AGBL4: variants seen among roughly 807,000 people sequenced by gnomAD.
AGBL4 encodes cytosolic carboxypeptidase 6.
In AGBL4, 58 loss-of-function variants were observed where a neutral mutation model predicts 66.4. The observed-to-expected ratio is 0.87, with a 90% CI of 0.71 to 1.09. The LOEUF is 1.09. Among genes scored for constraint, AGBL4 ranks in the 50% least tolerant of loss-of-function variants. The pLI, the probability that AGBL4 is intolerant of heterozygous loss-of-function variation, is 0.00. For missense variants in AGBL4, 579 were observed against 631.0 expected (o/e 0.92, Z 0.88); for synonymous variants, 234 against 222.9 (o/e 1.05, Z -0.44).
intron 2 of AGBL4, among the ~76,000 whole-genome samples, chr1:49,705,275 T>C (rs1466931292): frequency 6.6e-6 from 1 of 152,182 alleles, no homozygotes; most frequent in Non-Finnish European, 1.5e-5. Context: ...CACATTGATT[T>C]TGTATCCTGT....
intron 3 of AGBL4, among the ~76,000 whole-genome samples, chr1:49,670,248 A>C (rs1473931672): frequency 6.6e-6 from 1 of 152,140 alleles, no homozygotes; most frequent in African/African-American, 2.4e-5. Flanking sequence ...CCCCAGCTCC[A>C]CAGTTGAGAA....
rs571600782 is a variant in AGBL4 at position 49,881,699 on chromosome 1, C to G, written c.35-30181G>C. On this transcript the variant is annotated intron_variant, in intron 1 of 13. Transcript: ENST00000371839. Reference sequence around the variant, plus strand: ...ATAAATGTCTTCTTTTGAGAAGTGTCTGTTCATGTCCCTCGCCCACTTTTT... The same window carrying G: ...ATAAATGTCTTCTTTTGAGAAGTGTGTGTTCATGTCCCTCGCCCACTTTTT... Among the ~76,000 whole-genome samples the G allele has an allele frequency of 3.9e-3, 592 of 150,878 alleles. 7 individuals carry two copies. The highest frequency in any genetic ancestry group is 0.014 in the African/African-American group (554 of 40,836).
chr1:48,943,481 T>A (rs1396999955), intron 5 of AGBL4, among the ~76,000 whole-genome samples: 1 of 152,206 alleles, frequency 6.6e-6, no homozygotes, highest in Non-Finnish European at 1.5e-5. Context: ...AATGAAGCAA[T>A]TTGACTCTTA....
intron 5 of AGBL4, among the ~76,000 whole-genome samples, chr1:48,966,720 A>T (rs1395444772): frequency 6.6e-6 from 1 of 151,918 alleles, no homozygotes; most frequent in Non-Finnish European, 1.5e-5. Context: ...CCTGTAAGAG[A>T]CTTTTTTTTT....
Position 48,587,100 on chromosome 1 carries a change from G to A in AGBL4, c.1171C>T (p.Leu391=), listed in dbSNP as rs1373760428. 6.3e-7 allele frequency: 1 copy of A among 1,588,364 alleles called. No homozygotes were observed. The highest frequency in any genetic ancestry group is 8.6e-7 in the Non-Finnish European group (1 of 1,167,570). ...GTGTAGCAATAGGAAGTGTGGTCCA[G>A]GAGTCCACCGAGGAAGCGACGGCCA... is the stretch of plus-strand genomic sequence containing the variant. ...GTGRRFLGGL[L]DHTSYCYTLE... The change falls in exon 11 of 14, where the codon CTG becomes TTG. Residue 391 remains leucine, a synonymous_variant. Coordinates refer to ENST00000371839, the MANE Select transcript of AGBL4 (RefSeq NM_032785.4).
intron 5 of AGBL4, among the ~76,000 whole-genome samples, chr1:48,950,764 C>T (rs993803514): frequency 6.6e-6 from 1 of 152,162 alleles, no homozygotes; most frequent in Admixed American, 6.5e-5. Flanking sequence ...ACCATGCCCA[C>T]ATTTTGTCCT....
chr1:49,657,667 C>T lies in AGBL4; in HGVS notation c.282+39646G>A, dbSNP rs141454725. On this transcript the variant is annotated intron_variant, in intron 3 of 13. Coordinates refer to ENST00000371839, the MANE Select transcript of AGBL4 (RefSeq NM_032785.4). Reference sequence around the variant, plus strand: ...ACTGGTACCAAAACAGAGATATAGACCAATGGAACAGAACAGAGTCCTCAG... The same window carrying T: ...ACTGGTACCAAAACAGAGATATAGATCAATGGAACAGAACAGAGTCCTCAG... Among the ~76,000 whole-genome samples, 543 of 152,172 alleles carry T rather than the reference C, an allele frequency of 3.6e-3. 14 individuals carry two copies. In the East Asian group the frequency reaches 0.066, roughly 19 times the overall value.
chr1:49,616,120 C>A (rs1645245742), intron 3 of AGBL4, among the ~76,000 whole-genome samples: 2 of 152,068 alleles, frequency 1.3e-5, no homozygotes, highest in African/African-American at 2.4e-5. Flanking sequence ...CCACCATGTG[C>A]CAGGCATTGT....
chr1:48,949,485 T>A (rs979307000), intron 5 of AGBL4, among the ~76,000 whole-genome samples: 2 of 152,110 alleles, frequency 1.3e-5, no homozygotes, highest in African/African-American at 4.8e-5. Flanking sequence ...GCAGCAACAC[T>A]AGGAAGAATG....
intron 1 of AGBL4, among the ~76,000 whole-genome samples, chr1:49,867,761 C>T (rs1646740104): frequency 6.6e-6 from 1 of 152,104 alleles, no homozygotes; most frequent in Admixed American, 6.6e-5. Flanking sequence ...CCAGCCACTA[C>T]AAAAACACAC....
At chr1:49,608,773 C>T (rs1337903069) in intron 3 of AGBL4, among the ~76,000 whole-genome samples, 1 of 152,096 alleles carries the variant, frequency 6.6e-6, no homozygotes, top group African/African-American at 2.4e-5. Context: ...GAGGGTTCTT[C>T]TGTGGCTCTT....
chr1:48,961,840 G>C (rs992264488), intron 5 of AGBL4, among the ~76,000 whole-genome samples: 1 of 152,174 alleles, frequency 6.6e-6, no homozygotes, highest in African/African-American at 2.4e-5. Context: ...CTTCACCTAA[G>C]ATCAGGAGCC....
chr1:48,950,951 C>A (rs954956098), intron 5 of AGBL4, among the ~76,000 whole-genome samples: 1 of 152,172 alleles, frequency 6.6e-6, no homozygotes, highest in African/African-American at 2.4e-5. Context: ...CATTGTCCAA[C>A]AGCCTTTTCT....
chr1:49,395,827 ATG>A (rs1553194946), intron 3 of AGBL4, among the ~76,000 whole-genome samples: 2 of 92,094 alleles, frequency 2.2e-5, no homozygotes, highest in African/African-American at 4.1e-5. Flanking sequence ...ATATATATAT[ATG>A]TGTATATATA....
At chr1:49,943,538 A>G (rs1654954147) in intron 1 of AGBL4, among the ~76,000 whole-genome samples, 1 of 152,118 alleles carries the variant, frequency 6.6e-6, no homozygotes, top group African/African-American at 2.4e-5. Context: ...GGTCTACACC[A>G]AAGACAATAT....
chr1:49,327,809 G>A (rs1001353263), intron 3 of AGBL4, among the ~76,000 whole-genome samples: 7 of 152,158 alleles, frequency 4.6e-5, no homozygotes, highest in Non-Finnish European at 1.0e-4. Context: ...ACCATAGCAA[G>A]TCATTAATAA....
At chr1:48,757,035 A>G (rs1643970798) in intron 6 of AGBL4, among the ~76,000 whole-genome samples, 1 of 152,214 alleles carries the variant, frequency 6.6e-6, no homozygotes, top group Non-Finnish European at 1.5e-5. Context: ...GCATATAATG[A>G]TGTAAAATGC....
intron 1 of AGBL4, among the ~76,000 whole-genome samples, chr1:49,899,935 G>A (rs1177791767): frequency 1.3e-5 from 2 of 152,000 alleles, no homozygotes; most frequent in African/African-American, 4.8e-5. Flanking sequence ...CCAGCTACAG[G>A]GGAGGCTGAG....
intron 1 of AGBL4, among the ~76,000 whole-genome samples, chr1:49,926,271 AGGCCACCAAAGT>A (rs1652759339): frequency 6.6e-6 from 1 of 152,250 alleles, no homozygotes; most frequent in African/African-American, 2.4e-5. Context: ...ATTTTATTCA[AGGCCACCAAAGT>A]GGTGCACCTA....
Sources: allele counts gnomAD v4.1 joint callset (sites outside exome capture counted in the v4.1 genomes callset), GRCh38; gene constraint gnomAD v4.1.1; transcripts MANE v1.5; gene names NCBI Gene and HGNC (gene_info 2026-07-23, HGNC 2026-07-21).